The following TENM4 variants were observed in gnomAD, a reference collection of about 807,000 sequenced individuals.
TENM4 encodes the protein teneurin-4.
In TENM4, 82 loss-of-function variants were observed where a neutral mutation model predicts 243.3. The observed-to-expected ratio is 0.34, with a 90% CI of 0.28 to 0.40. The LOEUF (loss-of-function observed/expected upper bound fraction) is 0.40, where lower values mean the gene tolerates loss of function less well. TENM4 is among the 10% of genes least tolerant of loss of function. The pLI is 1.00. For synonymous variants in TENM4, 1,412 were observed against 1,456.3 expected, an observed-to-expected ratio of 0.97 and a Z score of 0.69; for missense variants, 3,138 against 3,673.3, an observed-to-expected ratio of 0.85 and a Z score of 3.77.
chr11:79,031,306 C>T (rs1859231518), intron 6 of TENM4, among the ~76,000 whole-genome samples: 1 of 151,972 alleles, frequency 6.6e-6, no homozygotes, highest in East Asian at 1.9e-4. Context: ...AGGACAGGAG[C>T]CCAAGTAGAT....
At chr11:78,977,775 C>T (rs568574549) in intron 6 of TENM4, among the ~76,000 whole-genome samples, 23 of 152,302 alleles carry the variant, frequency 1.5e-4, no homozygotes, top group African/African-American at 4.8e-4. Context: ...ATTAGTTCAA[C>T]GATTGTGGAA....
In TENM4 at chr11:78,665,195, CTT is replaced by C. The variant is rs1301013614; in HGVS notation, c.7409-3606_7409-3605del. Among the ~76,000 whole-genome samples the C allele has an allele frequency of 4.0e-5, 6 of 150,598 alleles. No homozygotes were observed. In the East Asian group the frequency reaches 7.8e-4, roughly 20 times the overall value. ...TCTTTCTTTTCTTTTCTTTTTCTCT[CTT>C]TCTTTTCCTTTTTATTTTCTTTTTC... On this transcript the variant is annotated intron_variant, in intron 32 of 33. Coordinates refer to ENST00000278550, the MANE Select transcript of TENM4 (RefSeq NM_001098816.3).
intron 15 of TENM4, among the ~76,000 whole-genome samples, chr11:78,796,326 C>CT (rs1857158687): frequency 6.6e-6 from 1 of 152,106 alleles, no homozygotes; most frequent in Admixed American, 6.5e-5. Context: ...CAGGAAAGAA[C>CT]TAGTGAGCAA....
At chr11:78,908,804 C>T (rs1165775911) in intron 6 of TENM4, among the ~76,000 whole-genome samples, 1 of 152,200 alleles carries the variant, frequency 6.6e-6, no homozygotes, top group African/African-American at 2.4e-5. Context: ...ACCTCTCTGC[C>T]CTGGGTTGAA....
intron 4 of TENM4, among the ~76,000 whole-genome samples, chr11:79,103,705 A>G (rs1565205184): frequency 6.6e-6 from 1 of 152,230 alleles, no homozygotes; most frequent in Non-Finnish European, 1.5e-5. Flanking sequence ...ATGTAAAGAA[A>G]AAAATTGCTG....
chr11:79,283,200 TCACACACACACAAACACA>T (rs1292883266), intron 2 of TENM4, among the ~76,000 whole-genome samples: 72 of 125,056 alleles, frequency 5.8e-4, no homozygotes, highest in Middle Eastern at 4.0e-3. Context: ...GACAAAGACA[TCACACACACACAAACACA>T]CACACACACA....
chr11:78,822,981 C>T (rs1479845779), intron 12 of TENM4, among the ~76,000 whole-genome samples: 1 of 152,188 alleles, frequency 6.6e-6, no homozygotes. Flanking sequence ...GAGCCTCAAG[C>T]GGCCCCGAGG....
intron 15 of TENM4, among the ~76,000 whole-genome samples, chr11:78,794,099 C>T (rs1466672188): frequency 6.6e-6 from 1 of 152,212 alleles, no homozygotes; most frequent in Non-Finnish European, 1.5e-5. Context: ...TCTGTCCATC[C>T]ACCCAAATGT....
chr11:78,934,814 G>C (rs1263989107), intron 6 of TENM4, among the ~76,000 whole-genome samples: 3 of 152,144 alleles, frequency 2.0e-5, no homozygotes, highest in Non-Finnish European at 4.4e-5. Context: ...TGTTAAAGCT[G>C]TCTTTATTCT....
chr11:79,312,010 C>T (rs1300353579), intron 1 of TENM4, among the ~76,000 whole-genome samples: 1 of 152,176 alleles, frequency 6.6e-6, no homozygotes, highest in African/African-American at 2.4e-5. Context: ...GGAGAGCCTC[C>T]AAGGCAGGGC....
At chr11:79,335,354 T>C (rs1284487036) in intron 1 of TENM4, among the ~76,000 whole-genome samples, 2 of 152,198 alleles carry the variant, frequency 1.3e-5, no homozygotes, top group Non-Finnish European at 2.9e-5. Flanking sequence ...AGATTCAAAA[T>C]AGATGCCATC....
chr11:79,296,158 T>A (rs1856449690), intron 2 of TENM4, among the ~76,000 whole-genome samples: 1 of 152,118 alleles, frequency 6.6e-6, no homozygotes. Context: ...GAAGTTGTGA[T>A]CCATATAAAC....
At chr11:79,238,788 G>T (rs572139850) in intron 2 of TENM4, among the ~76,000 whole-genome samples, 1 of 152,210 alleles carries the variant, frequency 6.6e-6, no homozygotes, top group African/African-American at 2.4e-5. Context: ...ACTTTGTGAC[G>T]CTGAGGTGGG....
intron 6 of TENM4, among the ~76,000 whole-genome samples, chr11:78,914,680 C>T (rs1285317836): frequency 2.0e-5 from 3 of 152,222 alleles, no homozygotes; most frequent in Non-Finnish European, 4.4e-5. Context: ...TCACCAGCTG[C>T]TGTCAGAACC....
intron 3 of TENM4, among the ~76,000 whole-genome samples, chr11:79,199,926 C>A (rs1180786360): frequency 6.6e-6 from 1 of 152,152 alleles, no homozygotes; most frequent in African/African-American, 2.4e-5. Context: ...GGTTGGCACC[C>A]AGCATTCTCT....
intron 6 of TENM4, among the ~76,000 whole-genome samples, chr11:78,921,476 C>T (rs1260036832): frequency 1.3e-5 from 2 of 152,248 alleles, no homozygotes; most frequent in Non-Finnish European, 2.9e-5. Flanking sequence ...AAGATACAGT[C>T]TGACTGTCCC....
intron 3 of TENM4, among the ~76,000 whole-genome samples, chr11:79,197,929 G>A (rs548445604): frequency 1.9e-4 from 29 of 152,198 alleles, no homozygotes; most frequent in African/African-American, 6.5e-4. Context: ...GGCCGTGCAG[G>A]CCACTGCTGG....
intron 3 of TENM4, among the ~76,000 whole-genome samples, chr11:79,162,033 C>A (rs547339756): frequency 1.3e-5 from 2 of 152,182 alleles, no homozygotes; most frequent in Admixed American, 6.5e-5. Context: ...TCACCCAGTA[C>A]CCCCTGTATG....
At chr11:79,123,338 C>T (rs546670640) in intron 4 of TENM4, among the ~76,000 whole-genome samples, 53 of 152,286 alleles carry the variant, frequency 3.5e-4, no homozygotes, top group African/African-American at 1.3e-3. Flanking sequence ...GTTACGACAA[C>T]TTTCCCAAGG....
Sources: allele counts gnomAD v4.1 joint callset (sites outside exome capture counted in the v4.1 genomes callset), GRCh38; gene constraint gnomAD v4.1.1; transcripts MANE v1.5; gene names NCBI Gene and HGNC (gene_info 2026-07-23, HGNC 2026-07-21).